GSDME: variants seen among roughly 807,000 people sequenced by gnomAD.
GSDME encodes gasdermin E, also known as gasdermin-E.
A neutral mutation model predicts 47.5 loss-of-function variants in GSDME; 44 were observed. The ratio of observed to expected loss-of-function variants is 0.93; its 90% CI spans 0.73 to 1.19. The LOEUF (loss-of-function observed/expected upper bound fraction) is 1.19. Among genes scored for constraint, GSDME ranks in the 50% most tolerant of loss-of-function variants. GSDME has a pLI of 0.00. For synonymous variants in GSDME, 258 were observed against 252.8 expected, an observed-to-expected ratio of 1.02 and a Z score of -0.20; for missense variants, 663 against 604.2, an observed-to-expected ratio of 1.10 and a Z score of -1.02.
intron 4 of GSDME, among the ~76,000 whole-genome samples, chr7:24,717,665 G>A (rs1004611999): frequency 1.4e-4 from 22 of 152,130 alleles, no homozygotes; most frequent in African/African-American, 4.8e-4. Context: ...CATACGATAC[G>A]TAAGATCACC....
At chr7:24,741,750 C>T (rs1259750800) in intron 3 of GSDME, among the ~76,000 whole-genome samples, 4 of 152,178 alleles carry the variant, frequency 2.6e-5, no homozygotes, top group South Asian at 2.1e-4. Flanking sequence ...AACGCCTTAT[C>T]AATCCCAATG....
Position 24,736,703 on chromosome 7 carries a change from G to A in GSDME, c.404+7859C>T, listed in dbSNP as rs778156471. 6.6e-6 allele frequency among the ~76,000 whole-genome samples: 1 copy of A among 152,126 alleles called. No individual in the cohort carries two copies. The highest frequency in any genetic ancestry group is 1.5e-5 in the Non-Finnish European group (1 of 68,022). ...CAGAACATTTCATCCAACAACTGAA[G>A]AATACACATTCTTTTCCTCAGCACA... is the stretch of plus-strand genomic sequence containing the variant. On this transcript the variant is annotated intron_variant, in intron 3 of 9. Transcript: ENST00000645220. This position sits in a 1 kb window ranked among gnomAD's most constrained non-coding sequence, Gnocchi z 4.6.
chr7:24,790,522 G>C, the GSDME span, among the ~76,000 whole-genome samples: 1 of 152,144 alleles, frequency 6.6e-6, no homozygotes, highest in Non-Finnish European at 1.5e-5. This position sits in a 1 kb window ranked among gnomAD's most constrained non-coding sequence, Gnocchi z 4.1. Flanking sequence ...CCTGCCCACT[G>C]GTTGGGTAAT....
At chr7:24,715,532 T>G in intron 5 of GSDME, 2 of 470,398 alleles carry the variant, frequency 4.3e-6, no homozygotes, top group South Asian at 3.1e-5. Flanking sequence ...CCACTGGCCA[T>G]CAGTAAGACT....
At chr7:24,755,178 GCATCAA>G (rs1267006406) in intron 1 of GSDME, among the ~76,000 whole-genome samples, 1 of 152,214 alleles carries the variant, frequency 6.6e-6, no homozygotes, top group Non-Finnish European at 1.5e-5. Flanking sequence ...ATGGCACAGA[GCATCAA>G]CATCAGGCAA....
At position 24,736,793 on chromosome 7, in the gene GSDME, T is replaced by C. The variant is rs545447563; in HGVS notation, c.404+7769A>G. 1.2e-4 allele frequency among the ~76,000 whole-genome samples: 18 copies of C among 152,104 alleles called. No homozygotes were observed. Among genetic ancestry groups the C allele is most frequent in the Admixed American group, 5.2e-4 (8 of 15,288 alleles). The stretch of plus-strand genomic sequence containing the variant: ...AACAAGTTTCAAAACATCCAAAAAA[T>C]TGAAATAATATAAAGTACCTTCTCT... On this transcript the variant is annotated intron_variant, in intron 3 of 9. Transcript: ENST00000645220. This position sits in a 1 kb window ranked among gnomAD's most constrained non-coding sequence, Gnocchi z 4.6.
chr7:24,782,387 G>C, the GSDME span, among the ~76,000 whole-genome samples: 1 of 152,144 alleles, frequency 6.6e-6, no homozygotes, highest in African/African-American at 2.4e-5. Flanking sequence ...CGCTACAAAG[G>C]ACATGAATTC....
chr7:24,727,080 G>C (rs1434719296), intron 3 of GSDME, among the ~76,000 whole-genome samples: 2 of 152,238 alleles, frequency 1.3e-5, no homozygotes, highest in African/African-American at 4.8e-5. Context: ...GTGTGGGCTG[G>C]AAGACAGTAA....
rs1045931388 is a variant in GSDME, at chr7:24,726,337, G to A, written c.405-7119C>T. 2.6e-5 allele frequency among the ~76,000 whole-genome samples: 4 copies of A among 152,232 alleles called. No homozygotes were observed. Among genetic ancestry groups the A allele is most frequent in the Admixed American group, 2.0e-4 (3 of 15,300 alleles). The stretch of plus-strand genomic sequence containing the variant: ...TTTACCAAAGCATAAAGGAGGTCCC[G>A]GGGATGCCTCCTGCAGAGACACAGG... On this transcript the variant is annotated intron_variant, in intron 3 of 9. Coordinates refer to ENST00000645220, the MANE Select transcript of GSDME (RefSeq NM_001127453.2). This position sits in a 1 kb window ranked among gnomAD's most constrained non-coding sequence, Gnocchi z 5.6.
At position 24,698,388 on chromosome 7, in the gene GSDME, G is replaced by A. The variant is rs1340673128; in HGVS notation, c.*638C>T. On this transcript the variant is annotated 3_prime_UTR_variant, in exon 10 of 10. Coordinates refer to ENST00000645220, the MANE Select transcript of GSDME (RefSeq NM_001127453.2). ...AAAGTTTCCTTTAATAGAATACCCA[G>A]AATACATAGGAAATCAACATGTGCT... 1 of 154,932 alleles carries A rather than the reference G, an allele frequency of 6.5e-6. No individual in the cohort carries two copies. 9.6% of individuals were successfully genotyped at this position (154,932 alleles called of 1,614,324 possible). A position where few individuals can be genotyped will look rare whatever the true frequency, so the allele number is the denominator to read the frequency against.
chr7:24,772,036 G>A, the GSDME span, among the ~76,000 whole-genome samples: 8 of 152,204 alleles, frequency 5.3e-5, no homozygotes, highest in Non-Finnish European at 1.0e-4. The surrounding 1 kb of genome is among the most constrained non-coding windows in gnomAD (Gnocchi z 4.5). Flanking sequence ...GAAATAGAAT[G>A]AGCTGGTGAC....
chr7:24,723,951 C>T (rs1381752782), intron 3 of GSDME, among the ~76,000 whole-genome samples: 3 of 152,184 alleles, frequency 2.0e-5, no homozygotes, highest in East Asian at 1.9e-4. Flanking sequence ...TCGTGGCTGC[C>T]GCCCTGTGCC....
chr7:24,704,441 GAGA>G (rs1407515529), intron 8 of GSDME: 2 of 152,156 alleles, frequency 1.3e-5, no homozygotes, highest in Non-Finnish European at 2.9e-5. Context: ...TTTTTAAGGA[GAGA>G]AGATTATATT....
rs555914756 is a variant in GSDME, at chr7:24,717,452, G to A, written c.577-78C>T. ...TCTGTTCCCCACTGCAGCCAGCCTC[G>A]TGCCTTATACATAAGAGATGCTGAG... On this transcript the variant is annotated intron_variant, in intron 4 of 9. Coordinates refer to ENST00000645220, the MANE Select transcript of GSDME (RefSeq NM_001127453.2). The A allele has an allele frequency of 3.7e-5, 59 of 1,602,456 alleles. No homozygotes were observed. In the African/African-American group the frequency reaches 4.7e-4, roughly 13 times the overall value.
Position 24,749,793 on chromosome 7 carries a change from T to C in GSDME, c.-19A>G, listed in dbSNP as rs779859011. 4 of 1,593,014 alleles carry C rather than the reference T, an allele frequency of 2.5e-6. No individual in the cohort carries two copies. The highest frequency in any genetic ancestry group is 3.3e-5 in the Admixed American group (2 of 59,746). ...CAAACATTTTGAAAGCTCCAGATTA[T>C]CTGAAAAAGTAAAGTTATCCTAAAA... On this transcript the variant is annotated splice_region_variant and 5_prime_UTR_variant, in exon 2 of 10. Coordinates refer to ENST00000645220, the MANE Select transcript of GSDME (RefSeq NM_001127453.2).
At chr7:24,709,576 T>C (rs975453444) in intron 6 of GSDME, among the ~76,000 whole-genome samples, 1 of 152,060 alleles carries the variant, frequency 6.6e-6, no homozygotes, top group African/African-American at 2.4e-5. Context: ...TCCTAGCTCT[T>C]TGTGCTAAGC....
At chr7:24,763,133 C>T in the GSDME span, among the ~76,000 whole-genome samples, 1 of 152,152 alleles carries the variant, frequency 6.6e-6, no homozygotes, top group Non-Finnish European at 1.5e-5. The surrounding 1 kb of genome is among the most constrained non-coding windows in gnomAD (Gnocchi z 4.3). Context: ...AAATTCAATG[C>T]CTTTTTCATC....
intron 3 of GSDME, among the ~76,000 whole-genome samples, chr7:24,729,162 C>G (rs999618314): frequency 1.3e-4 from 20 of 152,274 alleles, no homozygotes; most frequent in Non-Finnish European, 2.4e-4. Flanking sequence ...ATGCAGCAAG[C>G]CTGGAAGATG....
the GSDME span, among the ~76,000 whole-genome samples, chr7:24,786,013 G>A: frequency 2.6e-5 from 4 of 152,164 alleles, no homozygotes; most frequent in Admixed American, 6.5e-5. This position sits in a 1 kb window ranked among gnomAD's most constrained non-coding sequence, Gnocchi z 5.5. Flanking sequence ...GGTAAGCTCC[G>A]TGAGGGCAGG....
Sources: allele counts gnomAD v4.1 joint callset (sites outside exome capture counted in the v4.1 genomes callset), GRCh38; gene constraint gnomAD v4.1.1; non-coding constraint Gnocchi (gnomAD v3.1); transcripts MANE v1.5; gene names NCBI Gene and HGNC (gene_info 2026-07-23, HGNC 2026-07-21).